Variants in RNF130 observed in about 807,000 individuals in gnomAD.
RNF130 encodes E3 ubiquitin-protein ligase RNF130.
In RNF130, 21 loss-of-function variants were observed where a neutral mutation model predicts 44.6. The observed-to-expected ratio is 0.47, with a 90% CI of 0.33 to 0.68. The LOEUF (loss-of-function observed/expected upper bound fraction) is 0.68. RNF130 is among the 30% of genes least tolerant of loss of function. RNF130 has a pLI of 0.02. For synonymous variants in RNF130, 214 were observed against 210.4 expected (o/e 1.02, Z -0.15); for missense variants, 479 against 560.6 (o/e 0.85, Z 1.47).
At chr5:180,023,487 G>A (rs1173270651) in intron 2 of RNF130, among the ~76,000 whole-genome samples, 1 of 152,118 alleles carries the variant, frequency 6.6e-6, no homozygotes, top group East Asian at 1.9e-4. Flanking sequence ...AAGGAGCCTG[G>A]CACATCTTAC....
At chr5:180,060,913 C>CA (rs560115285) in intron 1 of RNF130, among the ~76,000 whole-genome samples, 2 of 151,596 alleles carry the variant, frequency 1.3e-5, no homozygotes, top group Non-Finnish European at 2.9e-5. Context: ...ACTAAAAATA[C>CA]AAAAAATTAG....
intron 7 of RNF130, among the ~76,000 whole-genome samples, chr5:179,923,566 G>A (rs567206486): frequency 3.3e-5 from 5 of 152,290 alleles, no homozygotes; most frequent in South Asian, 2.1e-4. Flanking sequence ...CAATCCCAGC[G>A]GCTGAGTTTC....
intron 7 of RNF130, among the ~76,000 whole-genome samples, chr5:179,946,770 G>A (rs1762049039): frequency 6.6e-6 from 1 of 152,190 alleles, no homozygotes; most frequent in East Asian, 1.9e-4. Flanking sequence ...TAGCCAGGAT[G>A]GTCTCGATCT....
intron 2 of RNF130, among the ~76,000 whole-genome samples, chr5:180,026,295 C>A (rs549106762): frequency 1.3e-5 from 2 of 152,300 alleles, no homozygotes; most frequent in South Asian, 4.1e-4. Context: ...ACAGCTAATT[C>A]TATCAGACAG....
chr5:180,045,188 G>A (rs916318861), intron 1 of RNF130, among the ~76,000 whole-genome samples: 1 of 152,198 alleles, frequency 6.6e-6, no homozygotes, highest in Non-Finnish European at 1.5e-5. Flanking sequence ...GAGAGAAGGA[G>A]AAGAATATTC....
chr5:180,058,376 C>T (rs1157922087), intron 1 of RNF130, among the ~76,000 whole-genome samples: 4 of 152,166 alleles, frequency 2.6e-5, no homozygotes, highest in Non-Finnish European at 5.9e-5. Flanking sequence ...TAAAATTCTT[C>T]AACAGTATTT....
intron 2 of RNF130, among the ~76,000 whole-genome samples, chr5:180,038,863 C>T (rs913284992): frequency 6.6e-6 from 1 of 152,168 alleles, no homozygotes; most frequent in Non-Finnish European, 1.5e-5. Flanking sequence ...GAATTTCTCC[C>T]TATTCATTTT....
exon 8 of RNF130, chr5:179,915,764 A>G (rs1761535871): frequency 1.3e-5 from 2 of 152,360 alleles, no homozygotes; most frequent in Admixed American, 6.6e-5. Context: ...CTGCCCAGGA[A>G]GTGCTGCCCT....
chr5:179,967,258 A>G (rs1762471710), intron 6 of RNF130, among the ~76,000 whole-genome samples: 1 of 152,250 alleles, frequency 6.6e-6, no homozygotes, highest in Admixed American at 6.5e-5. Context: ...ATTGCAGATC[A>G]GAGAAGACTG....
At chr5:179,924,248 C>A (rs552841628) in intron 7 of RNF130, among the ~76,000 whole-genome samples, 1 of 152,084 alleles carries the variant, frequency 6.6e-6, no homozygotes. Flanking sequence ...GTAATCCCAG[C>A]ACTTTGGGAG....
At chr5:180,064,424 T>TA (rs1167388459) in intron 1 of RNF130, among the ~76,000 whole-genome samples, 1 of 152,150 alleles carries the variant, frequency 6.6e-6, no homozygotes, top group African/African-American at 2.4e-5. Flanking sequence ...TACCTGCCCA[T>TA]AGTCCCCAGA....
At chr5:180,064,208 C>T (rs560476119) in intron 1 of RNF130, among the ~76,000 whole-genome samples, 1 of 152,244 alleles carries the variant, frequency 6.6e-6, no homozygotes, top group Middle Eastern at 3.4e-3. Flanking sequence ...AGTTTGTGCA[C>T]AATCTCAAAT....
At position 179,980,154 on chromosome 5, in the gene RNF130, G is replaced by T; in HGVS notation, c.740C>A (p.Thr247Asn). Residue 247 changes from threonine (T) to asparagine (N), a missense_variant, in exon 4 of 9, where the codon ACC (threonine) becomes AAC (asparagine). By Grantham distance (65) the Thr-to-Asn change is moderately conservative. Around this residue, in one of 3 missense-constraint regions of RNF130, gnomAD observed 180 missense variants for 275.1 expected, o/e 0.65. Coordinates refer to ENST00000521389, the MANE Select transcript of RNF130 (RefSeq NM_018434.6). Reference protein sequence around the residue: ...AAKKAISKLTTRTVKKGDKET... With the variant: ...AAKKAISKLTNRTVKKGDKET... ...CTTGTCACCCTTCTTTACTGTCCTG[G>T]TTGTCAATTTACTGATGGCTTTCTT... The T allele has an allele frequency of 6.2e-7, 1 of 1,614,018 alleles. No individual in the cohort carries two copies. The highest frequency in any genetic ancestry group is 8.5e-7 in the Non-Finnish European group (1 of 1,179,964).
At chr5:180,068,174 C>A (rs958363596) in intron 1 of RNF130, among the ~76,000 whole-genome samples, 5 of 152,224 alleles carry the variant, frequency 3.3e-5, no homozygotes, top group African/African-American at 9.7e-5. Flanking sequence ...CTCCCAACCC[C>A]CACTCTGGGG....
intron 7 of RNF130, among the ~76,000 whole-genome samples, chr5:179,946,579 A>T (rs1301594879): frequency 3.5e-5 from 5 of 144,850 alleles, no homozygotes; most frequent in African/African-American, 5.3e-5. Flanking sequence ...TTTGAGACGG[A>T]GTCTCGCTCT....
downstream of RNF130, among the ~76,000 whole-genome samples, chr5:179,951,635 T>C (rs531785937): frequency 1.3e-5 from 2 of 152,172 alleles, no homozygotes; most frequent in Non-Finnish European, 2.9e-5. Flanking sequence ...TAAGTGCACA[T>C]GGAACATTCT....
At chr5:179,913,356 GCTT>G (rs1761495956) in exon 8 of RNF130, 1 of 148,002 alleles carries the variant, frequency 6.8e-6, no homozygotes, top group Admixed American at 6.6e-5. Context: ...GTTCAAAGGT[GCTT>G]TTTTTTTTTT....
In RNF130 at chr5:179,929,206, T is replaced by C. The variant is rs543425050; in HGVS notation, c.1151-8780A>G. On this transcript the variant is annotated intron_variant, in intron 7 of 7. Coordinates refer to the RNF130 transcript ENST00000522208. The stretch of plus-strand genomic sequence containing the variant: ...TAAATATTCAGTGGAGCCAGCACCA[T>C]CTTGAAAAGACCATTCTTACCCCAC... Among the ~76,000 whole-genome samples the C allele has an allele frequency of 5.9e-5, 9 of 152,300 alleles. No individual in the cohort carries two copies. In the South Asian group the frequency reaches 1.9e-3, roughly 32 times the overall value.
chr5:180,053,198 G>A (rs1321736487), intron 1 of RNF130, among the ~76,000 whole-genome samples: 1 of 152,040 alleles, frequency 6.6e-6, no homozygotes, highest in Non-Finnish European at 1.5e-5. Flanking sequence ...CATGGACAGG[G>A]ATTGCAACCA....
Sources: allele counts gnomAD v4.1 joint callset (sites outside exome capture counted in the v4.1 genomes callset), GRCh38; gene constraint gnomAD v4.1.1; regional missense constraint gnomAD v4.1.1; transcripts MANE v1.5; gene names NCBI Gene and HGNC (gene_info 2026-07-23, HGNC 2026-07-21).